Variants in DPYD observed in about 807,000 individuals in gnomAD.
DPYD encodes the protein dihydropyrimidine dehydrogenase [NADP(+)].
In DPYD, 109 loss-of-function variants were observed where a neutral mutation model predicts 116.2. That is an observed-to-expected ratio of 0.94 (90% CI 0.80 to 1.10). The LOEUF (loss-of-function observed/expected upper bound fraction) is 1.10, where lower values mean the gene tolerates loss of function less well. Among genes scored for constraint, DPYD ranks in the 50% least tolerant of loss-of-function variants. DPYD has a pLI of 0.00. For missense variants in DPYD, 1,302 were observed against 1,254.5 expected (o/e 1.04, Z -0.57); for synonymous variants, 440 against 432.0 (o/e 1.02, Z -0.23).
At chr1:97,357,939 A>G (rs955041304) in intron 16 of DPYD, among the ~76,000 whole-genome samples, 1 of 152,168 alleles carries the variant, frequency 6.6e-6, no homozygotes, top group African/African-American at 2.4e-5. Context: ...GGTTCATCTC[A>G]TTGGGACTGG....
chr1:97,838,824 C>G (rs1669904618), intron 2 of DPYD, among the ~76,000 whole-genome samples: 1 of 151,940 alleles, frequency 6.6e-6, no homozygotes, highest in African/African-American at 2.4e-5. Flanking sequence ...CGCAGTCCGG[C>G]CTGGGCGACA....
chr1:97,217,772 G>T (rs1341959042), intron 19 of DPYD, among the ~76,000 whole-genome samples: 1 of 152,186 alleles, frequency 6.6e-6, no homozygotes, highest in African/African-American at 2.4e-5. Context: ...CTTAGGGCTG[G>T]ACCAGAGTGC....
At chr1:97,473,909 G>T (rs1677797386) in intron 13 of DPYD, among the ~76,000 whole-genome samples, 5 of 151,844 alleles carry the variant, frequency 3.3e-5, no homozygotes, top group Admixed American at 3.3e-4. Flanking sequence ...CTACTTGGGA[G>T]GCTGAGGTGG....
In DPYD at chr1:97,403,541, T is replaced by C. The variant is rs376202493; in HGVS notation, c.1906-21080A>G. 2.3e-3 allele frequency among the ~76,000 whole-genome samples: 356 copies of C among 152,196 alleles called. 1 individual carries two copies. The highest frequency in any genetic ancestry group is 4.4e-3 in the Non-Finnish European group (296 of 67,948). On this transcript the variant is annotated intron_variant, in intron 14 of 22. Coordinates refer to ENST00000370192, the MANE Select transcript of DPYD (RefSeq NM_000110.4). ...TTGTCTATTTTTCCTGTGTGAGTTTTGGCAGTTTCAAGGAATTGGTTCATT... is the reference window on the plus strand; with the variant it reads ...TTGTCTATTTTTCCTGTGTGAGTTTCGGCAGTTTCAAGGAATTGGTTCATT...
At chr1:97,210,689 TAGGATAGAAAC>T (rs1177339436) in intron 19 of DPYD, among the ~76,000 whole-genome samples, 18 of 152,142 alleles carry the variant, frequency 1.2e-4, no homozygotes, top group Admixed American at 5.9e-4. Flanking sequence ...GTCTAGAAAG[TAGGATAGAAAC>T]AAAAAGATAC....
intron 3 of DPYD, among the ~76,000 whole-genome samples, chr1:97,807,053 C>T (rs756736416): frequency 2.6e-5 from 4 of 151,994 alleles, no homozygotes. Context: ...TTTATTTAGG[C>T]TTTCATCTTC....
intron 12 of DPYD, among the ~76,000 whole-genome samples, chr1:97,531,426 A>G (rs1268888932): frequency 6.6e-6 from 1 of 152,116 alleles, no homozygotes. Context: ...GTCATTGTAT[A>G]TGTTGTATAG....
At chr1:97,654,235 A>G (rs1658763254) in intron 8 of DPYD, among the ~76,000 whole-genome samples, 1 of 152,190 alleles carries the variant, frequency 6.6e-6, no homozygotes, top group Admixed American at 6.5e-5. Flanking sequence ...AATTACAATG[A>G]TTGAGCACTG....
chr1:97,703,262 G>A (rs548107379), intron 5 of DPYD, among the ~76,000 whole-genome samples: 3 of 151,990 alleles, frequency 2.0e-5, no homozygotes, highest in Non-Finnish European at 4.4e-5. Context: ...CAGCACAACA[G>A]ATGGTATATT....
chr1:97,683,112 A>C (rs1379526486), intron 7 of DPYD, among the ~76,000 whole-genome samples: 1 of 152,046 alleles, frequency 6.6e-6, no homozygotes. Flanking sequence ...AAAATCAAAT[A>C]AAAACATACA....
intron 20 of DPYD, among the ~76,000 whole-genome samples, chr1:97,134,313 C>T (rs530115535): frequency 6.6e-6 from 1 of 151,940 alleles, no homozygotes; most frequent in East Asian, 1.9e-4. Flanking sequence ...TATTTGCTTT[C>T]CTCTGAAAAA....
intron 1 of DPYD, among the ~76,000 whole-genome samples, chr1:97,893,626 A>C (rs1318829847): frequency 6.6e-6 from 1 of 151,386 alleles, no homozygotes; most frequent in Non-Finnish European, 1.5e-5. Context: ...TCAACTGAAA[A>C]TAAATGAATC....
intron 13 of DPYD, among the ~76,000 whole-genome samples, chr1:97,488,297 G>A (rs1678765700): frequency 2.0e-5 from 3 of 152,170 alleles, no homozygotes; most frequent in African/African-American, 7.2e-5. Flanking sequence ...GGGGACAGAA[G>A]TAAGTGTGAC....
rs75798503 is a variant in DPYD, at chr1:97,128,154, G to C, written c.2623-29522C>G. ...AATGCATTAATCCCTTCAGAAAAAGGATGCCTGCAGAAAAATCCCAAGGAA... is the reference window on the plus strand; with the variant it reads ...AATGCATTAATCCCTTCAGAAAAAGCATGCCTGCAGAAAAATCCCAAGGAA... On this transcript the variant is annotated intron_variant, in intron 20 of 22. Transcript: ENST00000370192. Among the ~76,000 whole-genome samples, 1,273 of 152,204 alleles carry C rather than the reference G, an allele frequency of 8.4e-3. 20 individuals carry two copies. The highest frequency in any genetic ancestry group is 0.029 in the African/African-American group (1,222 of 41,538).
At chr1:97,833,123 T>C (rs967990423) in intron 2 of DPYD, among the ~76,000 whole-genome samples, 3 of 151,838 alleles carry the variant, frequency 2.0e-5, no homozygotes, top group Non-Finnish European at 4.4e-5. Flanking sequence ...TAAAACTAAA[T>C]CAGATCTAAA....
chr1:97,534,425 A>G (rs1649848474), intron 12 of DPYD, among the ~76,000 whole-genome samples: 1 of 152,178 alleles, frequency 6.6e-6, no homozygotes, highest in Non-Finnish European at 1.5e-5. Context: ...TCAAAAAAAG[A>G]GAAAAGAACA....
chr1:97,834,999 C>A (rs983380771), intron 2 of DPYD, among the ~76,000 whole-genome samples: 1 of 151,740 alleles, frequency 6.6e-6, no homozygotes, highest in Admixed American at 6.6e-5. Flanking sequence ...TTGCTTTTCC[C>A]TTTGGTGTGT....
chr1:97,884,378 T>C (rs923201517), intron 1 of DPYD, among the ~76,000 whole-genome samples: 2 of 152,028 alleles, frequency 1.3e-5, no homozygotes, highest in Non-Finnish European at 1.5e-5. Context: ...AAAAGTTAGA[T>C]GCAACAGCTG....
At chr1:97,139,103 T>A (rs540877961) in intron 20 of DPYD, among the ~76,000 whole-genome samples, 116 of 152,324 alleles carry the variant, frequency 7.6e-4, no homozygotes, top group African/African-American at 2.7e-3. Flanking sequence ...TTTGGATTAG[T>A]AAATCTTATC....
Sources: allele counts gnomAD v4.1 joint callset (sites outside exome capture counted in the v4.1 genomes callset), GRCh38; gene constraint gnomAD v4.1.1; transcripts MANE v1.5; gene names NCBI Gene and HGNC (gene_info 2026-07-23, HGNC 2026-07-21).